PTPRM: variants seen among roughly 807,000 people sequenced by gnomAD.
PTPRM encodes the protein receptor-type tyrosine-protein phosphatase mu.
In PTPRM, 47 loss-of-function variants were observed where a neutral mutation model predicts 186.7. That is an observed-to-expected ratio of 0.25 (90% confidence interval 0.20 to 0.32). PTPRM has a LOEUF of 0.32. Ranked by LOEUF, PTPRM falls within the 10% of genes least tolerant of loss-of-function variation. PTPRM has a pLI of 1.00. For synonymous variants in PTPRM, 668 were observed against 674.9 expected (o/e 0.99, Z 0.16); for missense variants, 1,494 against 1,865.0 (o/e 0.80, Z 3.66).
chr18:8,294,737 C>T (rs1442351076), intron 19 of PTPRM, among the ~76,000 whole-genome samples: 1 of 152,166 alleles, frequency 6.6e-6, no homozygotes, highest in Non-Finnish European at 1.5e-5. Context: ...TGAAGTGTTA[C>T]CTATGATCAC....
chr18:7,957,527 G>A (rs566433623), intron 7 of PTPRM, among the ~76,000 whole-genome samples: 2 of 152,294 alleles, frequency 1.3e-5, no homozygotes, highest in East Asian at 1.9e-4. Flanking sequence ...TGTTCGTGAT[G>A]CATGGTCTGG....
intron 2 of PTPRM, among the ~76,000 whole-genome samples, chr18:7,830,973 CT>C (rs1469885149): frequency 1.3e-5 from 2 of 152,136 alleles, no homozygotes; most frequent in African/African-American, 4.8e-5. Flanking sequence ...TATCTCACTA[CT>C]TAAAAATGTT....
chr18:7,993,277 G>A (rs1015706454), intron 7 of PTPRM, among the ~76,000 whole-genome samples: 3 of 151,956 alleles, frequency 2.0e-5, no homozygotes, highest in African/African-American at 7.2e-5. Context: ...TGCCAGAGGA[G>A]AAGAGATAGA....
intron 5 of PTPRM, among the ~76,000 whole-genome samples, chr18:7,928,134 A>C (rs1335355727): frequency 1.5e-4 from 23 of 152,132 alleles, no homozygotes; most frequent in Admixed American, 1.5e-3. Context: ...TCAGATGGGA[A>C]ATGCATTCTG....
At chr18:7,782,404 T>C (rs2042899597) in intron 2 of PTPRM, among the ~76,000 whole-genome samples, 1 of 152,200 alleles carries the variant, frequency 6.6e-6, no homozygotes, top group African/African-American at 2.4e-5. Context: ...TCTGATTTGG[T>C]GTTTTCCTCC....
chr18:8,282,533 C>G (rs2094914854), intron 19 of PTPRM, among the ~76,000 whole-genome samples: 1 of 151,986 alleles, frequency 6.6e-6, no homozygotes, highest in Admixed American at 6.6e-5. Flanking sequence ...GTGGTGGTGG[C>G]CGCCTGTAAT....
intron 13 of PTPRM, among the ~76,000 whole-genome samples, chr18:8,116,337 T>A (rs1218516174): frequency 3.3e-5 from 5 of 152,260 alleles, no homozygotes; most frequent in Non-Finnish European, 7.3e-5. Context: ...CTTTCATGCG[T>A]GTGTTCTCAT....
At chr18:8,095,918 TAAATATTTTTAAACCCC>T (rs2090994879) in intron 11 of PTPRM, among the ~76,000 whole-genome samples, 1 of 152,164 alleles carries the variant, frequency 6.6e-6, no homozygotes, top group Non-Finnish European at 1.5e-5. Context: ...ACTAATTATA[TAAATATTTTTAAACCCC>T]AATTTTCATA....
intron 3 of PTPRM, among the ~76,000 whole-genome samples, chr18:7,902,961 G>A (rs1035832126): frequency 4.6e-5 from 7 of 151,846 alleles, no homozygotes; most frequent in Admixed American, 2.0e-4. Context: ...ACACGAGCAC[G>A]TCTCACATGT....
chr18:8,255,115 A>G (rs1402076555), intron 19 of PTPRM, among the ~76,000 whole-genome samples: 2 of 152,250 alleles, frequency 1.3e-5, no homozygotes, highest in African/African-American at 4.8e-5. Context: ...CTTAGGAATT[A>G]ATAGGATTAA....
chr18:7,806,998 AC>A (rs2044269855), intron 2 of PTPRM, among the ~76,000 whole-genome samples: 17 of 152,118 alleles, frequency 1.1e-4, no homozygotes, highest in Admixed American at 1.0e-3. Context: ...TGGGGTAGCT[AC>A]AGGTAGTATC....
intron 1 of PTPRM, among the ~76,000 whole-genome samples, chr18:7,686,305 A>G (rs1169996956): frequency 1.3e-5 from 2 of 152,210 alleles, no homozygotes. Flanking sequence ...CCTGATGTTT[A>G]CTGTAGAATC....
chr18:8,149,268 A>G (rs2092950682), intron 14 of PTPRM, among the ~76,000 whole-genome samples: 1 of 152,126 alleles, frequency 6.6e-6, no homozygotes. Context: ...GTCTCCCACA[A>G]TTATTATGTG....
chr18:8,263,471 G>T (rs367825546), intron 19 of PTPRM, among the ~76,000 whole-genome samples: 1 of 152,162 alleles, frequency 6.6e-6, no homozygotes, highest in African/African-American at 2.4e-5. Context: ...TGGCAGGAAT[G>T]AAATATATTT....
chr18:8,353,738 T>G (rs142889307), intron 23 of PTPRM, among the ~76,000 whole-genome samples: 27 of 152,046 alleles, frequency 1.8e-4, no homozygotes, highest in Admixed American at 7.9e-4. Context: ...TGAGCAATAA[T>G]GTGGTGCTTT....
At chr18:8,270,005 G>C (rs2094750468) in intron 19 of PTPRM, 1 of 151,714 alleles carries the variant, frequency 6.6e-6, no homozygotes, top group South Asian at 2.1e-4. Flanking sequence ...TGTTTTCTTA[G>C]GACCCACTAC....
chr18:8,120,915 A>G (rs998116035), intron 13 of PTPRM, among the ~76,000 whole-genome samples: 23 of 152,226 alleles, frequency 1.5e-4, no homozygotes, highest in East Asian at 1.2e-3. Flanking sequence ...CTATGACCAA[A>G]CAAAAATGTT....
intron 4 of PTPRM, among the ~76,000 whole-genome samples, chr18:7,908,374 A>G (rs2050102313): frequency 6.6e-6 from 1 of 152,194 alleles, no homozygotes; most frequent in African/African-American, 2.4e-5. Flanking sequence ...AAAATTATGA[A>G]AGAATGATTA....
chr18:7,693,111 G>A (rs185877825), intron 1 of PTPRM, among the ~76,000 whole-genome samples: 2 of 152,296 alleles, frequency 1.3e-5, no homozygotes, highest in East Asian at 1.9e-4. Context: ...TATGATGACT[G>A]TGGCTAGCAG....
Sources: allele counts gnomAD v4.1 joint callset (sites outside exome capture counted in the v4.1 genomes callset), GRCh38; gene constraint gnomAD v4.1.1; transcripts MANE v1.5; gene names NCBI Gene and HGNC (gene_info 2026-07-23, HGNC 2026-07-21).